The following CDK19 variants were observed in gnomAD, a reference collection of about 807,000 sequenced individuals.
CDK19 encodes the protein cyclin dependent kinase 19.
Under a neutral mutation model 68.3 loss-of-function variants are expected in CDK19, and 20 were observed. That is an observed-to-expected ratio of 0.29 (90% CI 0.21 to 0.43). The LOEUF (loss-of-function observed/expected upper bound fraction) is 0.43, where lower values mean the gene tolerates loss of function less well. CDK19 is among the 20% of genes least tolerant of loss of function. CDK19 has a pLI of 1.00. For missense variants in CDK19, 339 were observed against 623.5 expected, an observed-to-expected ratio of 0.54 and a Z score of 4.86; for synonymous variants, 221 against 222.8, an observed-to-expected ratio of 0.99 and a Z score of 0.07.
chr6:110,644,921 T>C (rs932876866), intron 4 of CDK19, among the ~76,000 whole-genome samples: 1 of 152,218 alleles, frequency 6.6e-6, no homozygotes, highest in South Asian at 2.1e-4. Context: ...AAAGTTCAAT[T>C]CACCAGGAAG....
At chr6:110,776,994 T>C (rs1423744454) in intron 1 of CDK19, among the ~76,000 whole-genome samples, 2 of 152,184 alleles carry the variant, frequency 1.3e-5, no homozygotes, top group Admixed American at 6.5e-5. Flanking sequence ...CAGCCAGAAG[T>C]GGCAAGTTAA....
intron 2 of CDK19, among the ~76,000 whole-genome samples, chr6:110,728,572 TAA>T (rs11378068): frequency 6.9e-6 from 1 of 144,676 alleles, no homozygotes; most frequent in Admixed American, 6.9e-5. Flanking sequence ...GTCAGAGTGG[TAA>T]AAAAAAAAAA....
chr6:110,641,689 G>A (rs1378476218), intron 4 of CDK19, among the ~76,000 whole-genome samples: 2 of 148,842 alleles, frequency 1.3e-5, no homozygotes, highest in South Asian at 2.1e-4. Context: ...AAGGAAGGAG[G>A]GACAAGGCAG....
chr6:110,645,736 GTGGTGTCCACGGTAA>G, intron 4 of CDK19: 1 of 491,692 alleles, frequency 2.0e-6, no homozygotes, highest in Non-Finnish European at 3.9e-6. Flanking sequence ...GTCCCTACAG[GTGGTGTCCACGGTAA>G]TGCATGGACA....
chr6:110,738,994 G>A (rs376715605), intron 2 of CDK19, among the ~76,000 whole-genome samples: 26 of 152,292 alleles, frequency 1.7e-4, no homozygotes, highest in African/African-American at 6.0e-4. Flanking sequence ...GGATATTGAT[G>A]GATATATACA....
At chr6:110,779,264 T>C (rs1411065057) in intron 1 of CDK19, among the ~76,000 whole-genome samples, 1 of 152,172 alleles carries the variant, frequency 6.6e-6, no homozygotes, top group African/African-American at 2.4e-5. Context: ...ATATACACTT[T>C]GCTGGGAATA....
At chr6:110,710,885 A>G (rs1229480047) in intron 2 of CDK19, among the ~76,000 whole-genome samples, 1 of 152,226 alleles carries the variant, frequency 6.6e-6, no homozygotes, top group East Asian at 1.9e-4. Context: ...CTACAAGGCT[A>G]CAGACTTCAT....
intron 4 of CDK19, among the ~76,000 whole-genome samples, chr6:110,643,851 AG>A (rs1780360492): frequency 6.6e-6 from 1 of 152,170 alleles, no homozygotes; most frequent in Non-Finnish European, 1.5e-5. Context: ...CTGTGGCAGA[AG>A]GATCACCTGA....
At chr6:110,757,709 C>T (rs1329118434) in intron 1 of CDK19, among the ~76,000 whole-genome samples, 1 of 152,086 alleles carries the variant, frequency 6.6e-6, no homozygotes, top group Non-Finnish European at 1.5e-5. Context: ...TGTTCAAGTA[C>T]ATCAAAAACC....
At chr6:110,781,701 A>G (rs1184107754) in intron 1 of CDK19, among the ~76,000 whole-genome samples, 1 of 152,026 alleles carries the variant, frequency 6.6e-6, no homozygotes, top group Non-Finnish European at 1.5e-5. Context: ...AAAATTAGCC[A>G]GGCGTGTTGC....
chr6:110,814,498 G>A (rs1255407211), intron 1 of CDK19: 6 of 427,458 alleles, frequency 1.4e-5, no homozygotes, highest in South Asian at 8.5e-5. Flanking sequence ...GTGCCCAGCG[G>A]GTCAGAGCCG....
intron 12 of CDK19, among the ~76,000 whole-genome samples, chr6:110,620,692 A>G (rs745382726): frequency 6.6e-6 from 1 of 152,160 alleles, no homozygotes; most frequent in Admixed American, 6.5e-5. Flanking sequence ...TTCTTTATCT[A>G]TGTAGCTACT....
chr6:110,687,040 T>C (rs946766002), intron 2 of CDK19, among the ~76,000 whole-genome samples: 6 of 152,148 alleles, frequency 3.9e-5, no homozygotes, highest in African/African-American at 1.4e-4. Context: ...TATCTACATT[T>C]AAAATTAATT....
intron 1 of CDK19, among the ~76,000 whole-genome samples, chr6:110,778,679 C>T (rs1038038293): frequency 6.6e-6 from 1 of 152,190 alleles, no homozygotes; most frequent in Non-Finnish European, 1.5e-5. Context: ...CCCATTCTCC[C>T]TTTCTTCCTT....
chr6:110,742,451 A>G (rs1028294509), intron 2 of CDK19, among the ~76,000 whole-genome samples: 1 of 152,226 alleles, frequency 6.6e-6, no homozygotes, highest in Non-Finnish European at 1.5e-5. Flanking sequence ...AAAGAACAGA[A>G]TAACAGTGAT....
intron 2 of CDK19, among the ~76,000 whole-genome samples, chr6:110,690,735 A>C (rs567864289): frequency 1.3e-5 from 2 of 152,338 alleles, no homozygotes; most frequent in East Asian, 3.9e-4. Flanking sequence ...CATCTGAGAC[A>C]GTCATCAAAG....
rs769553849 is a variant in CDK19 at position 110,815,241 on chromosome 6, T to TCGCG, written c.-109_-106dup. The stretch of plus-strand genomic sequence containing the variant: ...GCTCCACTTCTCCAACAGCCGCCTC[T>TCGCG]CGCGCGCGCGCGCGCGCCGCCCGCC... On this transcript the variant is annotated 5_prime_UTR_variant, in exon 1 of 13. Transcript: ENST00000368911. The TCGCG allele has an allele frequency of 0.024, 27,268 of 1,129,298 alleles. 411 individuals are homozygous for TCGCG. The highest frequency in any genetic ancestry group is 0.034 in the Middle Eastern group (94 of 2,782). The allele number at this position is 1,129,298 out of a possible 1,614,324, so 70.0% of individuals were successfully genotyped here.
chr6:110,767,111 C>T (rs574602833), intron 1 of CDK19, among the ~76,000 whole-genome samples: 23 of 150,570 alleles, frequency 1.5e-4, no homozygotes, highest in Admixed American at 2.7e-4. Context: ...CCAGCCTGGG[C>T]GACAGAGTGA....
At chr6:110,814,617 G>A (rs555461827) in intron 1 of CDK19, 29 of 469,580 alleles carry the variant, frequency 6.2e-5, no homozygotes, top group Admixed American at 3.0e-4. Flanking sequence ...CACAACGACC[G>A]TCACTACCCA....
Sources: allele counts gnomAD v4.1 joint callset (sites outside exome capture counted in the v4.1 genomes callset), GRCh38; gene constraint gnomAD v4.1.1; transcripts MANE v1.5; gene names NCBI Gene and HGNC (gene_info 2026-07-23, HGNC 2026-07-21).